Variants in BBS12 observed in about 807,000 individuals in gnomAD.
BBS12 encodes chaperonin-containing T-complex member BBS12.
In BBS12, 5 loss-of-function variants were observed where a neutral mutation model predicts 5.6. The ratio of observed to expected loss-of-function variants is 0.89; its 90% CI spans 0.46 to 1.86. The LOEUF (loss-of-function observed/expected upper bound fraction) is 1.86. Among genes scored for constraint, BBS12 ranks in the 40% most tolerant of loss-of-function variants. The pLI, the probability that BBS12 is intolerant of heterozygous loss-of-function variation, is 0.01. For missense variants in BBS12, 748 were observed against 830.4 expected (o/e 0.90, Z 1.22); for synonymous variants, 308 against 306.8 (o/e 1.00, Z -0.04).
upstream of BBS12, chr4:122,729,067 G>A (rs887392315): frequency 6.6e-6 from 1 of 152,356 alleles, no homozygotes; most frequent in Non-Finnish European, 1.5e-5. Flanking sequence ...AGTCTCCCAT[G>A]ACCAGAGGGT....
chr4:122,738,866 G>T (rs1336756278), intron 1 of BBS12, among the ~76,000 whole-genome samples: 1 of 152,184 alleles, frequency 6.6e-6, no homozygotes, highest in African/African-American at 2.4e-5. Context: ...AATGGAAAGT[G>T]TTCAGTATAC....
At chr4:122,728,397 C>T (rs1800652317), upstream of BBS12, 3 of 152,038 alleles carry the variant, frequency 2.0e-5, no homozygotes, top group Admixed American at 2.0e-4. Context: ...CAAATATATA[C>T]ACAATGTGTA....
At chr4:122,708,570 T>C in the BBS12 span, among the ~76,000 whole-genome samples, 1 of 144,330 alleles carries the variant, frequency 6.9e-6, no homozygotes, top group African/African-American at 2.8e-5. Context: ...ATAACAGTAG[T>C]AGTAATTTAT....
At chr4:122,721,054 G>GA in the BBS12 span, among the ~76,000 whole-genome samples, 2 of 152,028 alleles carry the variant, frequency 1.3e-5, no homozygotes, top group South Asian at 4.2e-4. Flanking sequence ...AATGCTAAAA[G>GA]AAAAAAGAAC....
At chr4:122,739,917 A>C (rs957510480) in intron 1 of BBS12, among the ~76,000 whole-genome samples, 3 of 152,260 alleles carry the variant, frequency 2.0e-5, no homozygotes, top group African/African-American at 7.2e-5. Flanking sequence ...AAGATGCATC[A>C]TAAATGGTTT....
At chr4:122,737,821 G>A (rs1176793780) in intron 1 of BBS12, among the ~76,000 whole-genome samples, 1 of 152,226 alleles carries the variant, frequency 6.6e-6, no homozygotes. Context: ...GCATAAGGAT[G>A]AATGTATAGA....
chr4:122,716,641 A>G, the BBS12 span, among the ~76,000 whole-genome samples: 2 of 91,342 alleles, frequency 2.2e-5, no homozygotes, highest in Admixed American at 1.2e-4. Flanking sequence ...ATGTATATAC[A>G]CACGTGTGTG....
the BBS12 span, among the ~76,000 whole-genome samples, chr4:122,725,955 G>A: frequency 1.2e-4 from 18 of 147,570 alleles, no homozygotes; most frequent in Admixed American, 1.1e-3. Context: ...TCTAAAACCT[G>A]CGACTATAAA....
chr4:122,710,856 G>A, the BBS12 span, among the ~76,000 whole-genome samples: 2 of 152,002 alleles, frequency 1.3e-5, no homozygotes, highest in Admixed American at 6.6e-5. Flanking sequence ...TCAATATCTC[G>A]TATTTGGTCC....
In BBS12 at chr4:122,740,350, C is replaced by A. The variant is rs545505400; in HGVS notation, c.-10-1533C>A. The stretch of plus-strand genomic sequence containing the variant: ...GGGGATCTCCCTTGTAACACTGGAA[C>A]TGAAAGACTGACGAAAGCTATGTCA... On this transcript the variant is annotated intron_variant, in intron 1 of 1. Coordinates refer to ENST00000314218, the MANE Select transcript of BBS12 (RefSeq NM_152618.3). 2.6e-4 allele frequency among the ~76,000 whole-genome samples: 39 copies of A among 152,312 alleles called. No homozygotes were observed. In the South Asian group the frequency reaches 5.8e-3, roughly 23 times the overall value.
At chr4:122,713,245 A>G in the BBS12 span, among the ~76,000 whole-genome samples, 13 of 152,336 alleles carry the variant, frequency 8.5e-5, no homozygotes, top group Middle Eastern at 3.4e-3. Flanking sequence ...AAAGTGGCCA[A>G]TGATGTGTTC....
the BBS12 span, among the ~76,000 whole-genome samples, chr4:122,702,226 TG>T: frequency 6.6e-6 from 1 of 152,228 alleles, no homozygotes; most frequent in African/African-American, 2.4e-5. Flanking sequence ...TACAGGCACA[TG>T]CCACCAGCTA....
At chr4:122,703,872 C>T in the BBS12 span, among the ~76,000 whole-genome samples, 1 of 152,212 alleles carries the variant, frequency 6.6e-6, no homozygotes, top group African/African-American at 2.4e-5. Context: ...TTTATTGAGA[C>T]AGAGTCATAC....
intron 1 of BBS12, among the ~76,000 whole-genome samples, chr4:122,736,568 A>G (rs1369537415): frequency 6.6e-6 from 1 of 152,124 alleles, no homozygotes; most frequent in East Asian, 1.9e-4. Context: ...CTGCTCTTCC[A>G]TTACACACTT....
chr4:122,743,405 A>G lies in BBS12; in HGVS notation c.1513A>G (p.Thr505Ala), dbSNP rs748915933. The change falls in exon 2 of 2, where the codon ACT becomes GCT. Residue 505 changes from threonine (T) to alanine (A), a missense_variant. By Grantham distance (58) the Thr-to-Ala change is moderately conservative. Coordinates refer to ENST00000314218, the MANE Select transcript of BBS12 (RefSeq NM_152618.3). ...AATTAATTTGGTTACGGCCGTGCTC[A>G]CTAACCCAGTTACTGCACAGATGCA... ...EGINLVTAVL[T>A]NPVTAQMQIK... The G allele has an allele frequency of 2.5e-6, 4 of 1,614,130 alleles. No individual in the cohort carries two copies. Among genetic ancestry groups the G allele is most frequent in the African/African-American group, 2.7e-5 (2 of 74,940 alleles).
At chr4:122,708,635 A>G in the BBS12 span, among the ~76,000 whole-genome samples, 3 of 152,178 alleles carry the variant, frequency 2.0e-5, no homozygotes. Flanking sequence ...GTAGTATTAT[A>G]AATATAAAAA....
upstream of BBS12, chr4:122,729,002 C>T (rs1267237968): frequency 1.3e-5 from 2 of 152,262 alleles, no homozygotes; most frequent in Admixed American, 6.5e-5. Flanking sequence ...GGGTGGAACA[C>T]ACATTACTCA....
At chr4:122,726,172 G>A in the BBS12 span, among the ~76,000 whole-genome samples, 3 of 151,904 alleles carry the variant, frequency 2.0e-5, no homozygotes, top group Admixed American at 6.6e-5. Context: ...CACAATCTAC[G>A]CATCCAACAA....
the BBS12 span, among the ~76,000 whole-genome samples, chr4:122,705,164 T>C: frequency 4.6e-4 from 70 of 152,174 alleles, no homozygotes; most frequent in Non-Finnish European, 9.0e-4. Flanking sequence ...GCCCAAATCA[T>C]TGTGAGCAGC....
Sources: allele counts gnomAD v4.1 joint callset (sites outside exome capture counted in the v4.1 genomes callset), GRCh38; gene constraint gnomAD v4.1.1; transcripts MANE v1.5; gene names NCBI Gene and HGNC (gene_info 2026-07-23, HGNC 2026-07-21).